MRPL50: variants seen among roughly 807,000 people sequenced by gnomAD.
The protein encoded by MRPL50 is mitochondrial ribosomal protein L50.
A neutral mutation model predicts 16.2 loss-of-function variants in MRPL50; 10 were observed. The observed-to-expected ratio is 0.62, with a 90% CI of 0.38 to 1.05. The LOEUF is 1.05. MRPL50 is among the 50% of genes least tolerant of loss of function. MRPL50 has a pLI of 0.01. For missense variants in MRPL50, 213 were observed against 187.1 expected, an observed-to-expected ratio of 1.14 and a Z score of -0.81; for synonymous variants, 68 against 66.8, an observed-to-expected ratio of 1.02 and a Z score of -0.09.
chr9:101,393,885 A>C (rs1334973279), intron 1 of MRPL50, among the ~76,000 whole-genome samples: 1 of 151,718 alleles, frequency 6.6e-6, no homozygotes, highest in African/African-American at 2.4e-5. Context: ...CTGTCAATGT[A>C]ATCTTTATCA....
rs563058933 is a variant in MRPL50 at position 101,398,608 on chromosome 9, C to G, written c.-16G>C. The G allele has an allele frequency of 1.9e-6, 3 of 1,612,014 alleles. No individual in the cohort carries two copies. The highest frequency in any genetic ancestry group is 2.5e-6 in the Non-Finnish European group (3 of 1,179,664). The stretch of plus-strand genomic sequence containing the variant: ...GCGCCGCCATCTTCGATGAGATCCA[C>G]GGGCCTGAGCGCAGCCTTCAGCCAG... On this transcript the variant is annotated 5_prime_UTR_variant, in exon 1 of 2. Coordinates refer to ENST00000374865, the MANE Select transcript of MRPL50 (RefSeq NM_019051.3).
chr9:101,390,350 G>A lies in MRPL50; in HGVS notation c.*116C>T. On this transcript the variant is annotated 3_prime_UTR_variant, in exon 2 of 2. Coordinates refer to ENST00000374865, the MANE Select transcript of MRPL50 (RefSeq NM_019051.3). Reference sequence around the variant, plus strand: ...TGATACATTCCTCTACAGAAAAAGTGGGTTTAGAGAACAGTTCTGGTAGTA... The same window carrying A: ...TGATACATTCCTCTACAGAAAAAGTAGGTTTAGAGAACAGTTCTGGTAGTA... 1 of 1,429,678 alleles carries A rather than the reference G, an allele frequency of 7.0e-7. No homozygotes were observed. Among genetic ancestry groups the A allele is most frequent in the South Asian group, 1.8e-5 (1 of 55,894 alleles). 88.6% of individuals were successfully genotyped at this position (1,429,678 alleles called of 1,614,324 possible). A position where few individuals can be genotyped will look rare whatever the true frequency, so the allele number is the denominator to read the frequency against.
At chr9:101,392,486 G>A (rs1830286355) in intron 1 of MRPL50, among the ~76,000 whole-genome samples, 1 of 151,738 alleles carries the variant, frequency 6.6e-6, no homozygotes, top group Admixed American at 6.6e-5. Flanking sequence ...AAATTTAAAG[G>A]CTAATTAGAG....
In MRPL50 at chr9:101,387,826, T is replaced by C. The variant is rs1456288166; in HGVS notation, c.*2640A>G. 6.6e-6 allele frequency: 1 copy of C among 152,106 alleles called. No homozygotes were observed. Among genetic ancestry groups the C allele is most frequent in the South Asian group, 2.1e-4 (1 of 4,836 alleles). 9.4% of individuals were successfully genotyped at this position (152,106 alleles called of 1,614,324 possible). On this transcript the variant is annotated 3_prime_UTR_variant, in exon 2 of 2. Transcript: ENST00000374865. Reference sequence around the variant, plus strand: ...GTAGCAATCATTAAATTTTTAAAAATGTAAACCCTTTAAAATTACATCATA... The same window carrying C: ...GTAGCAATCATTAAATTTTTAAAAACGTAAACCCTTTAAAATTACATCATA...
rs1326956137 is a variant in MRPL50, at chr9:101,388,219, A to G, written c.*2247T>C. ...GAAAAAATGAATAAAAGATCCCCAA[A>G]TGATTAACATGCGCATTAAATTTTG... On this transcript the variant is annotated 3_prime_UTR_variant, in exon 2 of 2. Transcript: ENST00000374865. 1 of 152,126 alleles carries G rather than the reference A, an allele frequency of 6.6e-6. No individual in the cohort carries two copies. The highest frequency in any genetic ancestry group is 6.6e-5 in the Admixed American group (1 of 15,262). 9.4% of individuals were successfully genotyped at this position (152,126 alleles called of 1,614,324 possible). A position where few individuals can be genotyped will look rare whatever the true frequency, so the allele number is the denominator to read the frequency against.
Position 101,398,512 on chromosome 9 carries a change from C to G in MRPL50, c.81G>C (p.Trp27Cys). The change falls in exon 1 of 2, where the codon TGG becomes TGC. Residue 27 changes from tryptophan to cysteine, a missense_variant. Coordinates refer to ENST00000374865, the MANE Select transcript of MRPL50 (RefSeq NM_019051.3). ...TVSGTPCREFWSRFRKEKEPV... is the reference protein window; with the variant it reads ...TVSGTPCREFCSRFRKEKEPV... ...CCATAAAGCTTTACCTGAATCGAGA[C>G]CAAAATTCTCTACATGGTGTCCCTG... is the stretch of plus-strand genomic sequence containing the variant. The G allele has an allele frequency of 1.2e-6, 2 of 1,614,008 alleles. No individual in the cohort carries two copies. Among genetic ancestry groups the G allele is most frequent in the Non-Finnish European group, 1.7e-6 (2 of 1,179,958 alleles).
At chr9:101,395,099 A>G (rs1830323283) in intron 1 of MRPL50, among the ~76,000 whole-genome samples, 1 of 152,196 alleles carries the variant, frequency 6.6e-6, no homozygotes, top group Admixed American at 6.5e-5. Flanking sequence ...AAAAAACCTG[A>G]TTTAAAAATA....
chr9:101,398,278 G>A (rs917967194), intron 1 of MRPL50, among the ~76,000 whole-genome samples: 3 of 152,146 alleles, frequency 2.0e-5, no homozygotes, highest in Non-Finnish European at 4.4e-5. Context: ...AAGGAAAGGG[G>A]GTGGTATTTC....
chr9:101,393,395 T>G (rs1830298569), intron 1 of MRPL50, among the ~76,000 whole-genome samples: 1 of 152,004 alleles, frequency 6.6e-6, no homozygotes, highest in Admixed American at 6.6e-5. Context: ...GAGAAAGAAA[T>G]AAAGTACATC....
intron 1 of MRPL50, among the ~76,000 whole-genome samples, chr9:101,394,541 C>T (rs956601901): frequency 4.6e-5 from 7 of 152,148 alleles, no homozygotes; most frequent in African/African-American, 1.4e-4. Context: ...CCCAAGTTTT[C>T]GGGGAGACAG....
At chr9:101,395,374 T>G (rs535715187) in intron 1 of MRPL50, among the ~76,000 whole-genome samples, 1 of 152,138 alleles carries the variant, frequency 6.6e-6, no homozygotes, top group South Asian at 2.1e-4. Context: ...CCAAAGAAAT[T>G]AAAAATAAAA....
Position 101,388,291 on chromosome 9 carries a change from G to A in MRPL50, c.*2175C>T, listed in dbSNP as rs915089654. 3 of 152,014 alleles carry A rather than the reference G, an allele frequency of 2.0e-5. No homozygotes were observed. The highest frequency in any genetic ancestry group is 6.6e-5 in the Admixed American group (1 of 15,248). 9.4% of individuals were successfully genotyped at this position (152,014 alleles called of 1,614,324 possible). A position where few individuals can be genotyped will look rare whatever the true frequency, so the allele number is the denominator to read the frequency against. The stretch of plus-strand genomic sequence containing the variant: ...AAGGAGAAATTTCTTCTGTCCTAAC[G>A]ATCACATGAAGCTGCTTGGTTTTTG... On this transcript the variant is annotated 3_prime_UTR_variant, in exon 2 of 2. Transcript: ENST00000374865.
chr9:101,397,189 G>T lies in MRPL50; in HGVS notation c.92+1312C>A, dbSNP rs114401807. Among the ~76,000 whole-genome samples the T allele has an allele frequency of 6.7e-3, 1,020 of 151,834 alleles. 12 individuals carry two copies. Among genetic ancestry groups the T allele is most frequent in the African/African-American group, 0.024 (986 of 41,392 alleles). ...ACAAAAATTCTAACTGGCCAGGTGTGGTGGCTCACCCCTGGAATCCCAGCA... is the reference window on the plus strand; with the variant it reads ...ACAAAAATTCTAACTGGCCAGGTGTTGTGGCTCACCCCTGGAATCCCAGCA... On this transcript the variant is annotated intron_variant, in intron 1 of 1. Transcript: ENST00000374865.
At position 101,398,596 on chromosome 9, in the gene MRPL50, C is replaced by G. The variant is rs1389684019; in HGVS notation, c.-4G>C. ...CCGACACAGATCGCGCCGCCATCTT[C>G]GATGAGATCCACGGGCCTGAGCGCA... On this transcript the variant is annotated 5_prime_UTR_variant, in exon 1 of 2. Coordinates refer to ENST00000374865, the MANE Select transcript of MRPL50 (RefSeq NM_019051.3). The G allele has an allele frequency of 6.2e-7, 1 of 1,613,350 alleles. No homozygotes were observed. The highest frequency in any genetic ancestry group is 1.1e-5 in the South Asian group (1 of 91,066).
Position 101,398,526 on chromosome 9 carries a change from A to G in MRPL50, c.67T>C (p.Cys23Arg), listed in dbSNP as rs1588151446. The G allele has an allele frequency of 4.3e-6, 7 of 1,614,088 alleles. No homozygotes were observed. Among genetic ancestry groups the G allele is most frequent in the Non-Finnish European group, 5.9e-6 (7 of 1,180,006 alleles). The part of the protein sequence containing the change: ...VFMWTVSGTP[C>R]REFWSRFRKE... The stretch of plus-strand genomic sequence containing the variant: ...CTGAATCGAGACCAAAATTCTCTAC[A>G]TGGTGTCCCTGAGACTGTCCACATG... Residue 23 changes from cysteine to arginine, a missense_variant, in exon 1 of 2, where the codon TGT becomes CGT. Cys to Arg is a radical substitution (Grantham distance 180). Transcript: ENST00000374865.
At chr9:101,398,305 A>T (rs550158524) in intron 1 of MRPL50, among the ~76,000 whole-genome samples, 196 bp downstream of exon 1, 128 of 152,260 alleles carry the variant, frequency 8.4e-4, no homozygotes, top group Non-Finnish European at 1.3e-3. Flanking sequence ...AAAATGAGAA[A>T]ACTAAGGCCG....
At chr9:101,391,844 C>T (rs1243635761) in intron 1 of MRPL50, among the ~76,000 whole-genome samples, 1 of 152,026 alleles carries the variant, frequency 6.6e-6, no homozygotes, top group Admixed American at 6.6e-5. Context: ...ACTTAGAGAA[C>T]ATTTCACCCA....
chr9:101,393,852 C>T (rs1163982495), intron 1 of MRPL50, among the ~76,000 whole-genome samples: 1 of 151,882 alleles, frequency 6.6e-6, no homozygotes. Context: ...TGTTGAAATG[C>T]TTATGCTACC....
Position 101,390,280 on chromosome 9 carries a change from A to C in MRPL50, c.*186T>G, listed in dbSNP as rs1224238667. ...AAATGGTTTCAGCAAATATGAAAATAGAAAGTCCGTTATTTGTCCATTTGT... is the reference window on the plus strand; with the variant it reads ...AAATGGTTTCAGCAAATATGAAAATCGAAAGTCCGTTATTTGTCCATTTGT... On this transcript the variant is annotated 3_prime_UTR_variant, in exon 2 of 2. Coordinates refer to ENST00000374865, the MANE Select transcript of MRPL50 (RefSeq NM_019051.3). The C allele has an allele frequency of 1.3e-5, 17 of 1,290,370 alleles. No homozygotes were observed. The highest frequency in any genetic ancestry group is 1.7e-5 in the Non-Finnish European group (17 of 1,019,750). 79.9% of individuals were successfully genotyped at this position (1,290,370 alleles called of 1,614,324 possible). A position where few individuals can be genotyped will look rare whatever the true frequency, so the allele number is the denominator to read the frequency against.
Sources: allele counts gnomAD v4.1 joint callset (sites outside exome capture counted in the v4.1 genomes callset), GRCh38; gene constraint gnomAD v4.1.1; transcripts MANE v1.5; gene names NCBI Gene and HGNC (gene_info 2026-07-23, HGNC 2026-07-21).